HIF1A: variants seen among roughly 807,000 people sequenced by gnomAD.
The protein encoded by HIF1A is hypoxia-inducible factor 1-alpha.
In HIF1A, 24 loss-of-function variants were observed where a neutral mutation model predicts 92.7. That is an observed-to-expected ratio of 0.26 (90% CI 0.19 to 0.36). The LOEUF (loss-of-function observed/expected upper bound fraction) is 0.36, where lower values mean the gene tolerates loss of function less well. HIF1A is among the 10% of genes least tolerant of loss of function. The pLI is 1.00. For synonymous variants in HIF1A, 319 were observed against 338.7 expected (o/e 0.94, Z 0.64); for missense variants, 799 against 998.5 (o/e 0.80, Z 2.69).
chr14:61,700,327 G>A (rs935328008), intron 1 of HIF1A, among the ~76,000 whole-genome samples: 18 of 151,928 alleles, frequency 1.2e-4, no homozygotes, highest in African/African-American at 4.1e-4. Flanking sequence ...CTCAGCCTCT[G>A]GCAACCACCA....
chr14:61,739,270 T>G (rs374669104), intron 10 of HIF1A, among the ~76,000 whole-genome samples: 1 of 152,210 alleles, frequency 6.6e-6, no homozygotes, highest in African/African-American at 2.4e-5. Flanking sequence ...AATTGTCCTA[T>G]GAACACAAAA....
chr14:61,706,241 A>G (rs1390881628), intron 1 of HIF1A, among the ~76,000 whole-genome samples: 1 of 152,194 alleles, frequency 6.6e-6, no homozygotes, highest in Non-Finnish European at 1.5e-5. Context: ...AACCATGAAC[A>G]GTGATTCTTC....
chr14:61,712,526 G>C (rs549899248), intron 1 of HIF1A, among the ~76,000 whole-genome samples: 48 of 149,722 alleles, frequency 3.2e-4, no homozygotes, highest in Non-Finnish European at 6.4e-4. Context: ...AAGATTACAG[G>C]GGTGCAAAGA....
intron 9 of HIF1A, among the ~76,000 whole-genome samples, chr14:61,737,488 G>A (rs2044651255): frequency 6.6e-6 from 1 of 152,194 alleles, no homozygotes; most frequent in South Asian, 2.1e-4. Context: ...AAGCATTGAA[G>A]ATGAAAACTG....
At chr14:61,728,528 T>C (rs1020394950) in intron 6 of HIF1A, among the ~76,000 whole-genome samples, 1 of 152,238 alleles carries the variant, frequency 6.6e-6, no homozygotes, top group Admixed American at 6.5e-5. Flanking sequence ...CCTTTCTTCC[T>C]ATAATGCTTA....
chr14:61,744,876 TGTG>T (rs2044758795), intron 13 of HIF1A, 63 bp downstream of exon 13: 1 of 638,340 alleles, frequency 1.6e-6, no homozygotes, highest in Non-Finnish European at 2.8e-6. Flanking sequence ...TGTGTGTGTG[TGTG>T]TGTGTGTGTG....
chr14:61,722,278 A>G (rs892607431), intron 4 of HIF1A, among the ~76,000 whole-genome samples: 4 of 152,116 alleles, frequency 2.6e-5, no homozygotes, highest in African/African-American at 7.2e-5. Flanking sequence ...TGTAGAGACA[A>G]AGTCTCACTA....
At position 61,734,239 on chromosome 14, in the gene HIF1A, A is replaced by C. The variant is rs753636092; in HGVS notation, c.982A>C (p.Lys328Gln). The C allele has an allele frequency of 1.2e-6, 2 of 1,613,342 alleles. No homozygotes were observed. Among genetic ancestry groups the C allele is most frequent in the South Asian group, 2.2e-5 (2 of 91,010 alleles). ...ETQATVIYNTKNSQPQCIVCV... is the reference protein window; with the variant it reads ...ETQATVIYNTQNSQPQCIVCV... ...TCAAGCAACTGTCATATATAACACC[A>C]AGAATTCTCAACCACAGTGCATTGT... Residue 328 changes from lysine (K) to glutamine (Q), a missense_variant, in exon 8 of 15, where the codon AAG becomes CAG. Around this residue, in one of 2 missense-constraint regions of HIF1A, gnomAD observed 516 missense variants for 721.0 expected, o/e 0.72. Transcript: ENST00000337138.
chr14:61,713,795 C>A (rs1380437518), intron 1 of HIF1A, among the ~76,000 whole-genome samples: 1 of 152,148 alleles, frequency 6.6e-6, no homozygotes, highest in Non-Finnish European at 1.5e-5. Flanking sequence ...GTCAGAAGTT[C>A]CTGAGGCCAG....
At chr14:61,717,287 T>G (rs2044374366) in intron 1 of HIF1A, among the ~76,000 whole-genome samples, 1 of 152,176 alleles carries the variant, frequency 6.6e-6, no homozygotes, top group Admixed American at 6.5e-5. Context: ...ATGCTGAAAC[T>G]CACAAGAACT....
chr14:61,695,933 A>AT (rs2044108494), intron 1 of HIF1A, 94 bp downstream of exon 1: 6 of 1,174,486 alleles, frequency 5.1e-6, no homozygotes, highest in Non-Finnish European at 6.1e-6. Flanking sequence ...CGTTAATGGG[A>AT]TTGGGGGGGG....
In HIF1A at chr14:61,747,022, A is replaced by G. The variant is rs1334246808; in HGVS notation, c.2418A>G (p.Ile806Met). Residue 806 changes from isoleucine to methionine, a missense_variant, in exon 15 of 15, where the codon ATA becomes ATG. This residue lies in a region of HIF1A where 283 missense variants were observed against 277.5 expected (regional missense o/e 1.02). Coordinates refer to ENST00000337138, the MANE Select transcript of HIF1A (RefSeq NM_001530.4). ...TSYDCEVNAP[I>M]QGSRNLLQGE... ...ATGATTGTGAAGTTAATGCTCCTAT[A>G]CAAGGCAGCAGAAACCTACTGCAGG... The G allele has an allele frequency of 2.5e-6, 4 of 1,613,530 alleles. No individual in the cohort carries two copies. Among genetic ancestry groups the G allele is most frequent in the South Asian group, 1.1e-5 (1 of 91,042 alleles).
Position 61,738,164 on chromosome 14 carries a change from T to A in HIF1A, c.1327T>A (p.Leu443Ile). Residue 443 changes from leucine to isoleucine, a missense_variant, in exon 10 of 15, where the codon TTA becomes ATA. Physicochemically the swap from Leu to Ile is conservative, Grantham distance 5 (BLOSUM62 2). Coordinates refer to ENST00000337138, the MANE Select transcript of HIF1A (RefSeq NM_001530.4). ...DVMLPSPNEK[L>I]QNINLAMSPL... ...AATGCTCCCCTCACCCAACGAAAAA[T>A]TACAGAATATAAATTTGGCAATGTC... 6.2e-7 allele frequency: 1 copy of A among 1,613,818 alleles called. No homozygotes were observed. The highest frequency in any genetic ancestry group is 1.1e-5 in the South Asian group (1 of 91,080).
At chr14:61,704,644 CTG>C (rs2044216564) in intron 1 of HIF1A, among the ~76,000 whole-genome samples, 1 of 152,176 alleles carries the variant, frequency 6.6e-6, no homozygotes, top group Non-Finnish European at 1.5e-5. Flanking sequence ...AAAGCCTTCA[CTG>C]TGAATGGATG....
At chr14:61,735,580 T>C (rs151273554) in intron 8 of HIF1A, among the ~76,000 whole-genome samples, 1 of 152,346 alleles carries the variant, frequency 6.6e-6, no homozygotes, top group African/African-American at 2.4e-5. Flanking sequence ...GGTTATAAAT[T>C]TCTTAAGGTC....
intron 2 of HIF1A, 84 bp downstream of exon 2, chr14:61,720,656 A>G: frequency 2.2e-6 from 2 of 891,232 alleles, no homozygotes; most frequent in Non-Finnish European, 3.3e-6. Context: ...GGTGGTCGCA[A>G]TGTTTTGATT....
intron 1 of HIF1A, among the ~76,000 whole-genome samples, chr14:61,708,553 A>C (rs942274731): frequency 3.9e-5 from 6 of 152,310 alleles, no homozygotes; most frequent in African/African-American, 1.4e-4. Context: ...CCATTTATTA[A>C]ATAGGGAATC....
intron 1 of HIF1A, among the ~76,000 whole-genome samples, chr14:61,717,495 C>T (rs961233477): frequency 2.0e-5 from 3 of 152,068 alleles, no homozygotes; most frequent in African/African-American, 7.2e-5. Context: ...TTTGTCAACT[C>T]TATATTAGTT....
intron 4 of HIF1A, among the ~76,000 whole-genome samples, chr14:61,722,449 G>A (rs932597438): frequency 1.3e-5 from 2 of 151,952 alleles, no homozygotes; most frequent in African/African-American, 4.8e-5. Flanking sequence ...TGCCCAGGCT[G>A]GTCTTAAACT....
Sources: gnomAD v4.1 joint callset for allele counts (sites outside exome capture counted in the v4.1 genomes callset) on GRCh38, gnomAD v4.1.1 for gene constraint, gnomAD v4.1.1 regional missense constraint, MANE v1.5 for transcripts, NCBI Gene and HGNC (gene_info 2026-07-23, HGNC 2026-07-21) for gene names.